Variants in VGLL4 observed in about 807,000 individuals in gnomAD.
VGLL4 encodes transcription cofactor vestigial-like protein 4.
A neutral mutation model predicts 21.0 loss-of-function variants in VGLL4; 7 were observed. The observed-to-expected ratio is 0.33, with a 90% CI of 0.19 to 0.63. VGLL4 has a LOEUF of 0.63. Ranked by LOEUF, VGLL4 falls within the 20% of genes least tolerant of loss-of-function variation. The pLI, the probability that VGLL4 is intolerant of heterozygous loss-of-function variation, is 0.78. For synonymous variants in VGLL4, 222 were observed against 173.2 expected (o/e 1.28, Z -2.21); for missense variants, 394 against 425.7 (o/e 0.93, Z 0.66).
chr3:11,696,552 T>C (rs2076609537), intron 2 of VGLL4, among the ~76,000 whole-genome samples: 1 of 152,184 alleles, frequency 6.6e-6, no homozygotes, highest in Non-Finnish European at 1.5e-5. Context: ...GGAGTAAAGT[T>C]TATCACACGA....
chr3:11,568,952 A>T lies in VGLL4; in HGVS notation c.273-3933T>A. On this transcript the variant is annotated intron_variant, in intron 2 of 4. Transcript: ENST00000430365. This position sits in a 1 kb window ranked among gnomAD's most constrained non-coding sequence, Gnocchi z 5.9. ...CACTGCCAGCTGCCCACGGAGAGAA[A>T]GATGGAAAGAGGAGGGAGGGAAAGA... The T allele has an allele frequency of 4.1e-6, 5 of 1,205,348 alleles. No homozygotes were observed. The highest frequency in any genetic ancestry group is 5.2e-6 in the Non-Finnish European group (5 of 962,622). 74.7% of individuals were successfully genotyped at this position (1,205,348 alleles called of 1,614,324 possible).
chr3:11,675,119 A>C (rs1169095971), intron 2 of VGLL4, among the ~76,000 whole-genome samples: 2 of 152,308 alleles, frequency 1.3e-5, no homozygotes, highest in African/African-American at 4.8e-5. Flanking sequence ...AGGTGGGTGG[A>C]TCACCTGAGG....
At chr3:11,711,983 C>A (rs1030829045) in intron 1 of VGLL4, among the ~76,000 whole-genome samples, 1 of 152,156 alleles carries the variant, frequency 6.6e-6, no homozygotes, top group Non-Finnish European at 1.5e-5. Context: ...TTCTCCTCCC[C>A]AGAGTGTCCG....
chr3:11,624,256 C>T (rs2125304651), intron 1 of VGLL4, among the ~76,000 whole-genome samples: 1 of 152,322 alleles, frequency 6.6e-6, no homozygotes, highest in Admixed American at 6.5e-5. Flanking sequence ...TCTTCTCATG[C>T]CTCTTCCACT....
At chr3:11,716,772 A>G (rs985037308) in intron 1 of VGLL4, among the ~76,000 whole-genome samples, 1 of 152,092 alleles carries the variant, frequency 6.6e-6, no homozygotes, top group African/African-American at 2.4e-5. Context: ...AAGATTTTGC[A>G]ATCTAGTTCT....
intron 2 of VGLL4, among the ~76,000 whole-genome samples, chr3:11,573,351 GAAAGAAAGAAAGAAAGAA>G (rs2073923657): frequency 2.3e-5 from 2 of 87,244 alleles, no homozygotes; most frequent in South Asian, 3.3e-4. Flanking sequence ...AAGAAAGAAA[GAAAGAAAGAAAGAAAGAA>G]AGAAAGAAAG....
intron 2 of VGLL4, among the ~76,000 whole-genome samples, chr3:11,697,986 C>T (rs1352255052): frequency 6.6e-6 from 1 of 152,182 alleles, no homozygotes; most frequent in Non-Finnish European, 1.5e-5. Flanking sequence ...ATTCCCTCCA[C>T]CAAAACCCTC....
rs1491502854 is a variant in VGLL4 at position 11,573,229 on chromosome 3, A to AGAAAG, written c.273-8215_273-8211dup. On this transcript the variant is annotated intron_variant, in intron 2 of 4. Transcript: ENST00000430365. The stretch of plus-strand genomic sequence containing the variant: ...AGAAGAGAGAGAGAGAAAGACAGAC[A>AGAAAG]GAAAGAAAAGAAATAGAGAAAGAAA... 1.5e-4 allele frequency among the ~76,000 whole-genome samples: 21 copies of AGAAAG among 137,286 alleles called. 1 individual carries two copies. Among genetic ancestry groups the AGAAAG allele is most frequent in the African/African-American group, 6.1e-4 (19 of 31,156 alleles). The allele number at this position is 137,286 out of a possible 152,430, so 90.1% of individuals were successfully genotyped here.
At chr3:11,617,225 A>G (rs1365112379) in intron 1 of VGLL4, among the ~76,000 whole-genome samples, 1 of 152,198 alleles carries the variant, frequency 6.6e-6, no homozygotes, top group African/African-American at 2.4e-5. Context: ...AGGCAGGTAC[A>G]AGAGTATGAG....
intron 1 of VGLL4, among the ~76,000 whole-genome samples, chr3:11,639,896 GA>G (rs1435323882): frequency 6.6e-6 from 1 of 151,954 alleles, no homozygotes; most frequent in Non-Finnish European, 1.5e-5. Flanking sequence ...AAAAAGACAT[GA>G]AATAATTCTG....
At chr3:11,614,203 A>G (rs1377807118) in intron 1 of VGLL4, among the ~76,000 whole-genome samples, 2 of 152,200 alleles carry the variant, frequency 1.3e-5, no homozygotes, top group Non-Finnish European at 2.9e-5. Context: ...ACTCATCTGC[A>G]CTTTCAAAAC....
chr3:11,636,676 T>C (rs1277545515), intron 1 of VGLL4, among the ~76,000 whole-genome samples: 1 of 152,228 alleles, frequency 6.6e-6, no homozygotes, highest in African/African-American at 2.4e-5. Flanking sequence ...GTAAGCTATG[T>C]ATCTCCGGAA....
intron 1 of VGLL4, among the ~76,000 whole-genome samples, chr3:11,712,414 G>T (rs893774210): frequency 1.8e-4 from 28 of 152,146 alleles, no homozygotes; most frequent in African/African-American, 6.8e-4. Context: ...ACTAAAGAGA[G>T]AAACAGATTT....
At chr3:11,579,207 G>A (rs1301641124) in intron 2 of VGLL4, among the ~76,000 whole-genome samples, 7 of 124,118 alleles carry the variant, frequency 5.6e-5, no homozygotes, top group African/African-American at 1.7e-4. Flanking sequence ...GGTTGGCCAA[G>A]CTAACTTTCT....
intron 2 of VGLL4, among the ~76,000 whole-genome samples, chr3:11,664,476 A>C (rs1387491272): frequency 6.6e-6 from 1 of 152,200 alleles, no homozygotes; most frequent in Non-Finnish European, 1.5e-5. Context: ...TCGTCTGTAA[A>C]ATAAGGGAAT....
chr3:11,716,226 CG>C (rs1489705351), intron 1 of VGLL4, among the ~76,000 whole-genome samples: 1 of 149,468 alleles, frequency 6.7e-6, no homozygotes, highest in Non-Finnish European at 1.5e-5. Context: ...CACTTGAAAC[CG>C]GAAGGTGGAA....
chr3:11,564,368 C>CGGAA (rs2073324597), intron 3 of VGLL4, among the ~76,000 whole-genome samples: 1 of 151,340 alleles, frequency 6.6e-6, no homozygotes, highest in Non-Finnish European at 1.5e-5. Context: ...CTGACATTTC[C>CGGAA]CTTCATCCGC....
chr3:11,604,826 C>T (rs7634196), intron 1 of VGLL4, among the ~76,000 whole-genome samples: 130,244 of 142,770 alleles, frequency 0.91, 61,094 homozygotes, highest in Non-Finnish European at 0.94. Flanking sequence ...AAAGAAATTG[C>T]TACTTGTGTA....
At chr3:11,669,466 C>T (rs2125365512) in intron 2 of VGLL4, among the ~76,000 whole-genome samples, 1 of 152,216 alleles carries the variant, frequency 6.6e-6, no homozygotes, top group South Asian at 2.1e-4. Context: ...TATCCTTTGA[C>T]AGTATAATTA....
Sources: gnomAD v4.1 joint callset for allele counts (sites outside exome capture counted in the v4.1 genomes callset) on GRCh38, gnomAD v4.1.1 for gene constraint, Gnocchi (gnomAD v3.1) non-coding constraint, MANE v1.5 for transcripts, NCBI Gene and HGNC (gene_info 2026-07-23, HGNC 2026-07-21) for gene names.